The following DDHD1 variants were observed in gnomAD, a reference collection of about 807,000 sequenced individuals.
DDHD1 encodes the protein DDHD domain containing 1, also known as phospholipase DDHD1.
Under a neutral mutation model 96.4 loss-of-function variants are expected in DDHD1, and 49 were observed. The observed-to-expected ratio is 0.51, with a 90% confidence interval of 0.40 to 0.64. The LOEUF (loss-of-function observed/expected upper bound fraction) is 0.64. Among genes scored for constraint, DDHD1 ranks in the 30% least tolerant of loss-of-function variants. The probability of loss-of-function intolerance (pLI) is 0.00; values close to 1 mark genes in which losing one functional copy is unlikely to be tolerated. For synonymous variants in DDHD1, 442 were observed against 446.5 expected, an observed-to-expected ratio of 0.99 and a Z score of 0.13; for missense variants, 1,106 against 1,161.2, an observed-to-expected ratio of 0.95 and a Z score of 0.69.
At chr14:53,092,422 A>G (rs1293975798) in intron 3 of DDHD1, 1 of 152,184 alleles carries the variant, frequency 6.6e-6, no homozygotes, top group African/African-American at 2.4e-5. Context: ...ATGAAATTAA[A>G]ATTTTAAAAT....
At chr14:53,048,265 T>TA (rs1427808396) in intron 12 of DDHD1, among the ~76,000 whole-genome samples, 3 of 152,122 alleles carry the variant, frequency 2.0e-5, no homozygotes, top group African/African-American at 7.2e-5. Context: ...ATTTAAGTGG[T>TA]ATAAATACCA....
intron 1 of DDHD1, among the ~76,000 whole-genome samples, chr14:53,109,972 T>C (rs1413994787): frequency 3.9e-5 from 6 of 152,178 alleles, no homozygotes; most frequent in Non-Finnish European, 8.8e-5. Flanking sequence ...CAACCACAAA[T>C]AGTCATGAAA....
At chr14:53,145,502 CAAAA>C (rs34747977) in intron 1 of DDHD1, among the ~76,000 whole-genome samples, 1 of 61,690 alleles carries the variant, frequency 1.6e-5, no homozygotes, top group African/African-American at 6.4e-5. Flanking sequence ...AACCTTGTCT[CAAAA>C]AAAAAAAAAA....
At chr14:53,138,449 A>G (rs924014133) in intron 1 of DDHD1, among the ~76,000 whole-genome samples, 1 of 152,194 alleles carries the variant, frequency 6.6e-6, no homozygotes, top group African/African-American at 2.4e-5. Context: ...AAAAGCAAAA[A>G]GATTGTATTT....
rs1013524937 is a variant in DDHD1 at position 53,045,540 on chromosome 14, G to A, written c.*1228C>T. 1 of 152,204 alleles carries A rather than the reference G, an allele frequency of 6.6e-6. No individual in the cohort carries two copies. Among genetic ancestry groups the A allele is most frequent in the Non-Finnish European group, 1.5e-5 (1 of 68,050 alleles). 9.4% of individuals were successfully genotyped at this position (152,204 alleles called of 1,614,324 possible). On this transcript the variant is annotated 3_prime_UTR_variant, in exon 13 of 13. Coordinates refer to ENST00000673822, the MANE Select transcript of DDHD1 (RefSeq NM_001160148.2). ...TGACTAGCTCAATCCAAGCTTTTCT[G>A]ATTTCTGATGTAATCTAATTCATGG...
intron 1 of DDHD1, among the ~76,000 whole-genome samples, chr14:53,130,725 C>G (rs769696010): frequency 6.6e-6 from 1 of 152,194 alleles, no homozygotes; most frequent in Non-Finnish European, 1.5e-5. Flanking sequence ...CGGGATTCCT[C>G]GTAAGCTGTT....
At chr14:53,137,816 A>G (rs1890345989) in intron 1 of DDHD1, among the ~76,000 whole-genome samples, 1 of 152,300 alleles carries the variant, frequency 6.6e-6, no homozygotes, top group East Asian at 1.9e-4. Context: ...AATCCCATGC[A>G]GATGAATTAT....
At chr14:53,070,468 C>T (rs1312716815) in intron 6 of DDHD1, among the ~76,000 whole-genome samples, 2 of 152,110 alleles carry the variant, frequency 1.3e-5, no homozygotes, top group African/African-American at 4.8e-5. Flanking sequence ...TCTCTTTATT[C>T]CTATTGATAC....
intron 1 of DDHD1, among the ~76,000 whole-genome samples, chr14:53,122,325 T>C (rs893351767): frequency 2.0e-5 from 3 of 152,140 alleles, no homozygotes; most frequent in Non-Finnish European, 4.4e-5. Flanking sequence ...CTCAGGCAGC[T>C]TACAATGAGT....
intron 1 of DDHD1, among the ~76,000 whole-genome samples, chr14:53,106,011 C>A (rs1887664011): frequency 6.6e-6 from 1 of 151,180 alleles, no homozygotes; most frequent in Non-Finnish European, 1.5e-5. Context: ...TTAGAGTAAC[C>A]CAAATCGACT....
At chr14:53,151,957 T>A (rs540251504) in intron 1 of DDHD1, among the ~76,000 whole-genome samples, 3 of 152,284 alleles carry the variant, frequency 2.0e-5, no homozygotes, top group African/African-American at 7.2e-5. Flanking sequence ...ATCACGAAAT[T>A]AAACCTCGGG....
intron 1 of DDHD1, among the ~76,000 whole-genome samples, chr14:53,122,455 G>C (rs1889066454): frequency 6.6e-6 from 1 of 152,208 alleles, no homozygotes; most frequent in African/African-American, 2.4e-5. Flanking sequence ...TCTCAACCTT[G>C]AGAGGGAATG....
chr14:53,100,321 TA>T (rs924093635), intron 2 of DDHD1, among the ~76,000 whole-genome samples: 6 of 149,390 alleles, frequency 4.0e-5, no homozygotes, highest in Non-Finnish European at 6.0e-5. Context: ...ACAAAAAATT[TA>T]AAAAAAAAAT....
intron 1 of DDHD1, among the ~76,000 whole-genome samples, chr14:53,111,122 G>C (rs940310990): frequency 7.2e-5 from 11 of 152,316 alleles, no homozygotes; most frequent in African/African-American, 2.6e-4. Context: ...GCAAATGCTT[G>C]AGTGGATCTC....
chr14:53,114,533 A>C (rs1888398863), intron 1 of DDHD1, among the ~76,000 whole-genome samples: 1 of 152,214 alleles, frequency 6.6e-6, no homozygotes, highest in African/African-American at 2.4e-5. Flanking sequence ...AAGCTTCCAG[A>C]GGAAGGAGCA....
chr14:53,084,599 T>C (rs1276635505), intron 4 of DDHD1, among the ~76,000 whole-genome samples: 1 of 152,218 alleles, frequency 6.6e-6, no homozygotes, highest in African/African-American at 2.4e-5. Context: ...AGGATCAAGG[T>C]TGGCCTGGCA....
Position 53,066,838 on chromosome 14 carries a change from G to A in DDHD1, c.1504-3633C>T, listed in dbSNP as rs140945518. ...AAAAATTGGCCAGGTGTATTGGCTC[G>A]TGCCCGTAGTCCCAGCTACTCAGGA... On this transcript the variant is annotated intron_variant, in intron 6 of 12. Transcript: ENST00000673822. Among the ~76,000 whole-genome samples, 843 of 151,246 alleles carry A rather than the reference G, an allele frequency of 5.6e-3. 7 individuals carry two copies. Among genetic ancestry groups the A allele is most frequent in the African/African-American group, 0.02 (807 of 41,310 alleles).
chr14:53,066,916 G>C (rs1023484003), intron 6 of DDHD1, among the ~76,000 whole-genome samples: 3 of 148,790 alleles, frequency 2.0e-5, no homozygotes, highest in African/African-American at 7.5e-5. Context: ...GCAGTGAGCT[G>C]AGATCGTACC....
At chr14:53,123,987 T>C (rs1405320855) in intron 1 of DDHD1, among the ~76,000 whole-genome samples, 1 of 151,720 alleles carries the variant, frequency 6.6e-6, no homozygotes, top group Non-Finnish European at 1.5e-5. Flanking sequence ...ATCCCAGCAC[T>C]TTAGGAGGCC....
Sources: allele counts gnomAD v4.1 joint callset (sites outside exome capture counted in the v4.1 genomes callset), GRCh38; gene constraint gnomAD v4.1.1; transcripts MANE v1.5; gene names NCBI Gene and HGNC (gene_info 2026-07-23, HGNC 2026-07-21).